Variants in ZFAND3 observed in about 807,000 individuals in gnomAD.
The protein encoded by ZFAND3 is zinc finger AN1-type containing 3.
In ZFAND3, 10 loss-of-function variants were observed where a neutral mutation model predicts 29.6. The observed-to-expected ratio is 0.34, with a 90% CI of 0.21 to 0.57. The LOEUF (loss-of-function observed/expected upper bound fraction) is 0.57, where lower values mean the gene tolerates loss of function less well. Ranked by LOEUF, ZFAND3 falls within the 20% of genes least tolerant of loss-of-function variation. The probability of loss-of-function intolerance (pLI) is 0.86; values close to 1 mark genes in which losing one functional copy is unlikely to be tolerated. For synonymous variants in ZFAND3, 128 were observed against 112.6 expected, an observed-to-expected ratio of 1.14 and a Z score of -0.87; for missense variants, 230 against 304.5, an observed-to-expected ratio of 0.76 and a Z score of 1.82.
intron 2 of ZFAND3, among the ~76,000 whole-genome samples, chr6:37,977,831 C>CTTCCTTCCTTG (rs1561953795): frequency 1.1e-4 from 1 of 8,724 alleles, no homozygotes; most frequent in Non-Finnish European, 3.4e-4. Flanking sequence ...AAATGCTTTT[C>CTTCCTTCCTTG]CTTCCTTCCT....
intron 5 of ZFAND3, among the ~76,000 whole-genome samples, chr6:38,120,573 G>C (rs550821041): frequency 1.5e-4 from 23 of 152,060 alleles, no homozygotes; most frequent in Non-Finnish European, 2.6e-4. Flanking sequence ...CAGTCCACCT[G>C]CCTCGGCCTC....
At position 37,819,928 on chromosome 6, in the gene ZFAND3, C is replaced by T; in HGVS notation, c.-18C>T. 8.3e-7 allele frequency: 1 copy of T among 1,211,518 alleles called. No individual in the cohort carries two copies. The highest frequency in any genetic ancestry group is 1.0e-6 in the Non-Finnish European group (1 of 976,354). 75.0% of individuals were successfully genotyped at this position (1,211,518 alleles called of 1,614,324 possible). On this transcript the variant is annotated 5_prime_UTR_variant, in exon 1 of 6. Coordinates refer to ENST00000287218, the MANE Select transcript of ZFAND3 (RefSeq NM_021943.3). ...CCGCCACCGCTGCCGCCGCCGAGCT[C>T]CGCCGCCGCCGAGCACCATGGGAGA... is the stretch of plus-strand genomic sequence containing the variant.
intron 3 of ZFAND3, among the ~76,000 whole-genome samples, chr6:38,067,060 G>A (rs372119639): frequency 6.6e-6 from 1 of 152,276 alleles, no homozygotes; most frequent in African/African-American, 2.4e-5. Context: ...AATGGTAACG[G>A]CTCACAACAA....
chr6:37,987,897 A>G (rs1285428536), intron 2 of ZFAND3, among the ~76,000 whole-genome samples: 2 of 152,220 alleles, frequency 1.3e-5, no homozygotes, highest in African/African-American at 4.8e-5. Flanking sequence ...AAAATGAAAT[A>G]TCCTCTTTAA....
Position 37,984,748 on chromosome 6 carries a change from A to G in ZFAND3, c.112+54749A>G, listed in dbSNP as rs575785709. Among the ~76,000 whole-genome samples, 14 of 152,342 alleles carry G rather than the reference A, an allele frequency of 9.2e-5. No homozygotes were observed. The South Asian group carries it at 2.7e-3, about 29-fold the overall frequency. ...ATCTATAAGAGTGAGCTACTCGTCTAGAGGCTAAGGCAAGTTTCAGCTAGA... is the reference window on the plus strand; with the variant it reads ...ATCTATAAGAGTGAGCTACTCGTCTGGAGGCTAAGGCAAGTTTCAGCTAGA... On this transcript the variant is annotated intron_variant, in intron 2 of 5. Transcript: ENST00000287218.
intron 2 of ZFAND3, among the ~76,000 whole-genome samples, chr6:38,006,613 G>T (rs560377930): frequency 6.7e-6 from 1 of 149,254 alleles, no homozygotes; most frequent in Admixed American, 6.7e-5. Flanking sequence ...AAACTTCTGT[G>T]TAACACTGCC....
intron 1 of ZFAND3, among the ~76,000 whole-genome samples, chr6:37,829,981 C>T (rs371493877): frequency 1.3e-5 from 2 of 152,188 alleles, no homozygotes. Flanking sequence ...CTACAAACTG[C>T]ATTTTCTTAC....
At chr6:38,013,610 C>G (rs1486888696) in intron 2 of ZFAND3, among the ~76,000 whole-genome samples, 1 of 152,138 alleles carries the variant, frequency 6.6e-6, no homozygotes, top group African/African-American at 2.4e-5. Context: ...TTATTTTAAT[C>G]AGTTGCTTGG....
intron 1 of ZFAND3, among the ~76,000 whole-genome samples, chr6:37,893,470 A>G (rs1299470545): frequency 6.6e-6 from 1 of 152,186 alleles, no homozygotes. Flanking sequence ...TAACTGTGTT[A>G]TTTTAGTGGT....
chr6:38,053,979 T>G (rs1764083404), intron 2 of ZFAND3, among the ~76,000 whole-genome samples: 1 of 152,028 alleles, frequency 6.6e-6, no homozygotes, highest in South Asian at 2.1e-4. Flanking sequence ...AATTGCAGAT[T>G]CATGGACATA....
intron 2 of ZFAND3, among the ~76,000 whole-genome samples, chr6:37,989,079 T>TA (rs1762716960): frequency 1.3e-5 from 2 of 152,130 alleles, no homozygotes; most frequent in African/African-American, 4.8e-5. Context: ...GCTAATTTTT[T>TA]GTATTTTTAG....
At chr6:38,007,958 A>C (rs1240961753) in intron 2 of ZFAND3, among the ~76,000 whole-genome samples, 1 of 152,218 alleles carries the variant, frequency 6.6e-6, no homozygotes, top group Non-Finnish European at 1.5e-5. Context: ...TGATCCAGGG[A>C]CTAGCTACAT....
chr6:38,082,848 A>G (rs981215951), intron 4 of ZFAND3, among the ~76,000 whole-genome samples: 2 of 152,158 alleles, frequency 1.3e-5, no homozygotes, highest in African/African-American at 4.8e-5. Context: ...GTAGTATCCT[A>G]CTATTTTTGG....
At chr6:38,076,598 T>G (rs939021487) in intron 3 of ZFAND3, among the ~76,000 whole-genome samples, 6 of 152,228 alleles carry the variant, frequency 3.9e-5, no homozygotes, top group African/African-American at 1.4e-4. Flanking sequence ...GGATTAGAAC[T>G]TCTAACTCTG....
At chr6:37,833,309 A>T (rs1192247200) in intron 1 of ZFAND3, 1 of 152,178 alleles carries the variant, frequency 6.6e-6, no homozygotes, top group Non-Finnish European at 1.5e-5. Context: ...TGTAACCAGA[A>T]ATAGCTAACA....
chr6:38,079,892 C>A (rs1764626972), intron 3 of ZFAND3, among the ~76,000 whole-genome samples: 2 of 152,126 alleles, frequency 1.3e-5, no homozygotes, highest in South Asian at 2.1e-4. Context: ...AAAAAATGAT[C>A]CCCAGGACTT....
rs937609498 is a variant in ZFAND3 at position 37,992,314 on chromosome 6, A to G, written c.112+62315A>G. 1.8e-4 allele frequency among the ~76,000 whole-genome samples: 28 copies of G among 152,238 alleles called. 1 individual carries two copies. Among genetic ancestry groups the G allele is most frequent in the African/African-American group, 5.3e-4 (22 of 41,462 alleles). On this transcript the variant is annotated intron_variant, in intron 2 of 5. Transcript: ENST00000287218. The stretch of plus-strand genomic sequence containing the variant: ...AATGATGATTTGGGTGTGTTTGGCA[A>G]TAGAAGCAAAACCTAGTATAGTGCA...
chr6:37,998,151 A>G (rs1762883481), intron 2 of ZFAND3, among the ~76,000 whole-genome samples: 1 of 152,238 alleles, frequency 6.6e-6, no homozygotes, highest in Admixed American at 6.5e-5. Context: ...CAAACCACAA[A>G]AAGACATGGA....
At chr6:37,911,075 G>T (rs1185752121) in intron 1 of ZFAND3, among the ~76,000 whole-genome samples, 2 of 152,254 alleles carry the variant, frequency 1.3e-5, no homozygotes, top group East Asian at 3.9e-4. Flanking sequence ...GGAATTGCTG[G>T]CTCAATTCCA....
Sources: gnomAD v4.1 joint callset for allele counts (sites outside exome capture counted in the v4.1 genomes callset) on GRCh38, gnomAD v4.1.1 for gene constraint, MANE v1.5 for transcripts, NCBI Gene and HGNC (gene_info 2026-07-23, HGNC 2026-07-21) for gene names.